Variants in DCC observed in about 807,000 individuals in gnomAD.
DCC encodes DCC netrin 1 receptor, also known as netrin receptor DCC.
A neutral mutation model predicts 172.5 loss-of-function variants in DCC; 58 were observed. The observed-to-expected ratio is 0.34, with a 90% confidence interval of 0.27 to 0.42. DCC has a LOEUF of 0.42. Ranked by LOEUF, DCC falls within the 10% of genes least tolerant of loss-of-function variation. The probability of loss-of-function intolerance (pLI) is 1.00; values close to 1 mark genes in which losing one functional copy is unlikely to be tolerated. For synonymous variants in DCC, 709 were observed against 644.5 expected (o/e 1.10, Z -1.52); for missense variants, 1,740 against 1,791.0 (o/e 0.97, Z 0.51).
intron 5 of DCC, among the ~76,000 whole-genome samples, chr18:53,026,658 C>T (rs1281503135): frequency 5.3e-5 from 8 of 152,074 alleles, no homozygotes; most frequent in Admixed American, 4.6e-4. Context: ...TGGGCTCAAG[C>T]GAGCCTCCTT....
intron 22 of DCC, among the ~76,000 whole-genome samples, chr18:53,439,590 G>A (rs912217833): frequency 1.2e-4 from 18 of 152,116 alleles, no homozygotes; most frequent in South Asian, 2.1e-4. Context: ...CTCTTACAGC[G>A]TGCCACTCTT....
intron 5 of DCC, among the ~76,000 whole-genome samples, chr18:53,047,677 C>A (rs1289859391): frequency 1.3e-5 from 2 of 150,868 alleles, no homozygotes; most frequent in East Asian, 4.0e-4. Context: ...GAGATAGGAA[C>A]CTATTGCTTT....
chr18:52,987,636 G>T (rs907374873), intron 5 of DCC, among the ~76,000 whole-genome samples: 1 of 152,118 alleles, frequency 6.6e-6, no homozygotes, highest in Non-Finnish European at 1.5e-5. Flanking sequence ...TGGGCAGGGG[G>T]ACCCAAATGG....
intron 21 of DCC, among the ~76,000 whole-genome samples, chr18:53,426,442 A>ATATATT (rs1555670095): frequency 1.4e-5 from 2 of 143,844 alleles, no homozygotes; most frequent in African/African-American, 2.5e-5. Context: ...TATATTATTT[A>ATATATT]TATATTTATG....
At chr18:53,170,886 T>C (rs2055003860) in intron 8 of DCC, among the ~76,000 whole-genome samples, 1 of 152,088 alleles carries the variant, frequency 6.6e-6, no homozygotes, top group African/African-American at 2.4e-5. Context: ...TTTGTTGTTG[T>C]TGTTTGTTTG....
intron 8 of DCC, among the ~76,000 whole-genome samples, chr18:53,164,589 A>G (rs928224746): frequency 7.9e-5 from 12 of 152,182 alleles, no homozygotes; most frequent in Non-Finnish European, 1.6e-4. Context: ...TGGGCCAATT[A>G]CTAGTGACTT....
chr18:53,124,081 A>G (rs1380579929), intron 7 of DCC, among the ~76,000 whole-genome samples: 1 of 152,030 alleles, frequency 6.6e-6, no homozygotes, highest in African/African-American at 2.4e-5. Flanking sequence ...ATGGACCCAC[A>G]GTTTTCCTTC....
At chr18:52,730,796 C>T (rs1368404615) in intron 1 of DCC, among the ~76,000 whole-genome samples, 2 of 152,086 alleles carry the variant, frequency 1.3e-5, no homozygotes, top group African/African-American at 2.4e-5. Context: ...ATGAGGCCTT[C>T]GAAGTTCACT....
At chr18:52,446,165 C>G (rs1348723328) in intron 1 of DCC, among the ~76,000 whole-genome samples, 1 of 152,162 alleles carries the variant, frequency 6.6e-6, no homozygotes, top group African/African-American at 2.4e-5. Flanking sequence ...TCCTGATCCT[C>G]CCGCCTCGGT....
chr18:52,497,291 A>ATGTG (rs753698393), intron 1 of DCC, among the ~76,000 whole-genome samples: 31,258 of 59,896 alleles, frequency 0.52, 10,135 homozygotes, highest in Middle Eastern at 0.65. Context: ...ATATATATAT[A>ATGTG]TATATATATA....
intron 3 of DCC, among the ~76,000 whole-genome samples, chr18:52,921,522 A>G (rs571799752): frequency 1.2e-3 from 179 of 152,014 alleles, no homozygotes; most frequent in Non-Finnish European, 2.1e-3. Context: ...AACATGGTGA[A>G]ACTCCATCTC....
At chr18:52,918,702 A>G (rs1216436168) in intron 3 of DCC, among the ~76,000 whole-genome samples, 1 of 152,156 alleles carries the variant, frequency 6.6e-6, no homozygotes, top group Non-Finnish European at 1.5e-5. Context: ...ATATAAATAT[A>G]CTTTCTTAAT....
chr18:53,431,405 T>G (rs1911601818), intron 21 of DCC, among the ~76,000 whole-genome samples: 1 of 152,038 alleles, frequency 6.6e-6, no homozygotes, highest in South Asian at 2.1e-4. Flanking sequence ...TATGGGTACA[T>G]AGTAATCCAA....
intron 25 of DCC, among the ~76,000 whole-genome samples, chr18:53,478,036 T>G (rs541118222): frequency 6.6e-6 from 1 of 152,346 alleles, no homozygotes; most frequent in African/African-American, 2.4e-5. Context: ...TTTATTGGCT[T>G]AAGTGCTTTC....
At chr18:53,111,091 C>T (rs2043323485) in intron 7 of DCC, among the ~76,000 whole-genome samples, 1 of 149,080 alleles carries the variant, frequency 6.7e-6, no homozygotes, top group African/African-American at 2.5e-5. Flanking sequence ...GAGTTCATGT[C>T]CTTTGTAGGG....
At chr18:52,609,537 G>A (rs181371820) in intron 1 of DCC, among the ~76,000 whole-genome samples, 1 of 152,112 alleles carries the variant, frequency 6.6e-6, no homozygotes, top group East Asian at 1.9e-4. Flanking sequence ...GTGTTAACAT[G>A]GCCAAGATTA....
At chr18:52,636,066 A>G (rs922983645) in intron 1 of DCC, among the ~76,000 whole-genome samples, 10 of 152,156 alleles carry the variant, frequency 6.6e-5, no homozygotes, top group African/African-American at 2.4e-4. Context: ...TCTCCTGAAC[A>G]CACCCCCCTA....
rs1050513612 is a variant in DCC at position 52,417,011 on chromosome 18, C to T, written c.91+76133C>T. On this transcript the variant is annotated intron_variant, in intron 1 of 28. Transcript: ENST00000442544. ...GGCATGATTTTGCAGTGGCTGGTAC[C>T]GGTTGTTCCTCTCCATATTTAGTGC... is the stretch of plus-strand genomic sequence containing the variant. 8.9e-4 allele frequency among the ~76,000 whole-genome samples: 136 copies of T among 152,180 alleles called. 2 individuals carry two copies. Among genetic ancestry groups the T allele is most frequent in the Admixed American group, 5.0e-3 (77 of 15,296 alleles).
intron 1 of DCC, among the ~76,000 whole-genome samples, chr18:52,346,924 C>G (rs1983903780): frequency 2.0e-5 from 3 of 152,144 alleles, no homozygotes; most frequent in Admixed American, 1.3e-4. Flanking sequence ...TTCACCATGG[C>G]CCTCCAGGGA....
Sources: gnomAD v4.1 joint callset for allele counts (sites outside exome capture counted in the v4.1 genomes callset) on GRCh38, gnomAD v4.1.1 for gene constraint, MANE v1.5 for transcripts, NCBI Gene and HGNC (gene_info 2026-07-23, HGNC 2026-07-21) for gene names.